The following GBP6 variants were observed in gnomAD, a reference collection of about 807,000 sequenced individuals.
The protein encoded by GBP6 is guanylate binding protein family member 6, also known as guanylate-binding protein 6.
Under a neutral mutation model 61.5 loss-of-function variants are expected in GBP6, and 54 were observed. The observed-to-expected ratio is 0.88, with a 90% CI of 0.71 to 1.10. The LOEUF (loss-of-function observed/expected upper bound fraction) is 1.10. GBP6 is among the 50% of genes least tolerant of loss of function. The pLI is 0.00. For missense variants in GBP6, 748 were observed against 752.8 expected (o/e 0.99, Z 0.07); for synonymous variants, 255 against 273.7 (o/e 0.93, Z 0.67).
In GBP6 at chr1:89,385,323, A is replaced by G; in HGVS notation, c.1756A>G (p.Lys586Glu). The G allele has an allele frequency of 6.2e-7, 1 of 1,614,178 alleles. No homozygotes were observed. The highest frequency in any genetic ancestry group is 8.5e-7 in the Non-Finnish European group (1 of 1,180,014). Reference sequence around the variant, plus strand: ...ATTTAAACGTATGATTGATACTACAAAAAATGATGATACTCCCTGGATTGC... The same window carrying G: ...ATTTAAACGTATGATTGATACTACAGAAAATGATGATACTCCCTGGATTGC... The part of the protein sequence containing the change: ...SQFKRMIDTT[K>E]NDDTPWIART... The change falls in exon 11 of 11, where the codon AAA (lysine) becomes GAA (glutamate). Residue 586 changes from lysine (K) to glutamate (E), a missense_variant. Transcript: ENST00000370456.
Position 89,378,437 on chromosome 1 carries a change from A to G in GBP6, c.449A>G (p.Glu150Gly), listed in dbSNP as rs139135600. 118 of 1,613,912 alleles carry G rather than the reference A, an allele frequency of 7.3e-5. 1 individual carries two copies. Among genetic ancestry groups the G allele is most frequent in the Non-Finnish European group, 9.7e-5 (114 of 1,179,962 alleles). The change falls in exon 5 of 11, where the codon GAA becomes GGA. Residue 150 changes from glutamate (E) to glycine (G), a missense_variant. Coordinates refer to ENST00000370456, the MANE Select transcript of GBP6 (RefSeq NM_198460.3). Reference sequence around the variant, plus strand: ...CCTAGTTATGTGACGGAGCTCACAGAACTAATTAAGGCAAAGTCCTCCCCA... The same window carrying G: ...CCTAGTTATGTGACGGAGCTCACAGGACTAATTAAGGCAAAGTCCTCCCCA... ...EQLHYVTELT[E>G]LIKAKSSPRP...
chr1:89,385,172 A>G (rs1210602909), intron 10 of GBP6, 58 bp from the exon 11 acceptor site: 1 of 1,454,724 alleles, frequency 6.9e-7, no homozygotes, highest in Non-Finnish European at 9.4e-7. Context: ...TACAAAATGT[A>G]AGTCTTAAAA....
intron 3 of GBP6, among the ~76,000 whole-genome samples, chr1:89,376,683 T>G (rs1652817475): frequency 6.6e-6 from 1 of 152,144 alleles, no homozygotes; most frequent in South Asian, 2.1e-4. Context: ...CAAGATTACT[T>G]TGATTATTCA....
intron 3 of GBP6, among the ~76,000 whole-genome samples, chr1:89,373,257 C>T (rs1172947809): frequency 1.3e-5 from 2 of 152,106 alleles, no homozygotes; most frequent in Non-Finnish European, 2.9e-5. Flanking sequence ...GACAGTGTGG[C>T]GATTCCTCAA....
In GBP6 at chr1:89,369,570, A is replaced by G. The variant is rs1385579014; in HGVS notation, c.215A>G (p.Gln72Arg). 1 of 1,613,972 alleles carries G rather than the reference A, an allele frequency of 6.2e-7. No homozygotes were observed. Among genetic ancestry groups the G allele is most frequent in the East Asian group, 2.2e-5 (1 of 44,890 alleles). The stretch of plus-strand genomic sequence containing the variant: ...GGCTTCCCTCTGGGCTCCACGGTGC[A>G]GTCTGAAACCAAGGGCATCTGGATG... ...NHGFPLGSTV[Q>R]SETKGIWMWC... is the part of the protein sequence containing the mutation. The change falls in exon 3 of 11, where the codon CAG (glutamine) becomes CGG (arginine). Residue 72 changes from glutamine (Q) to arginine (R), a missense_variant. Physicochemically the swap from Gln to Arg is conservative, Grantham distance 43. Transcript: ENST00000370456.
intron 3 of GBP6, among the ~76,000 whole-genome samples, chr1:89,375,718 C>T (rs140629868): frequency 1.9e-3 from 290 of 152,140 alleles, no homozygotes; most frequent in African/African-American, 5.8e-3. Context: ...ATTTTCACTC[C>T]GCTGATTGTT....
intron 9 of GBP6, 23 bp from the exon 10 acceptor site, chr1:89,384,070 T>TAGA: frequency 6.4e-7 from 1 of 1,569,202 alleles, no homozygotes; most frequent in Non-Finnish European, 8.6e-7. Flanking sequence ...TTTTCTTCTC[T>TAGA]TTCTAATACC....
chr1:89,377,444 C>A (rs1408462949), intron 3 of GBP6, among the ~76,000 whole-genome samples: 1 of 152,146 alleles, frequency 6.6e-6, no homozygotes, highest in Non-Finnish European at 1.5e-5. Flanking sequence ...CCTCATATCA[C>A]ATACACTCTT....
At chr1:89,368,493 C>T in intron 1 of GBP6, 36 bp from the exon 2 acceptor site, 1 of 1,491,314 alleles carries the variant, frequency 6.7e-7, no homozygotes, top group South Asian at 1.2e-5. Context: ...AACACTGAGA[C>T]AGAGAATGAC....
intron 7 of GBP6, among the ~76,000 whole-genome samples, 174 bp downstream of exon 7, chr1:89,382,148 G>A (rs991357735): frequency 2.0e-5 from 3 of 152,122 alleles, no homozygotes; most frequent in South Asian, 2.1e-4. Context: ...AAAATCTTCT[G>A]ATAACTGAGG....
chr1:89,374,108 C>T (rs1357381908), intron 3 of GBP6, among the ~76,000 whole-genome samples: 1 of 152,190 alleles, frequency 6.6e-6, no homozygotes, highest in East Asian at 1.9e-4. Flanking sequence ...GTTTGCTTCC[C>T]CTTCCACCAT....
intron 6 of GBP6, among the ~76,000 whole-genome samples, chr1:89,381,175 C>T (rs1379555317): frequency 6.8e-6 from 1 of 147,306 alleles, no homozygotes; most frequent in East Asian, 2.1e-4. Context: ...TTCCCAGCTA[C>T]TTAGGAGGCT....
rs1217333288 is a variant in GBP6 at position 89,378,091 on chromosome 1, T to A, written c.319-12T>A. 1 of 1,609,640 alleles carries A rather than the reference T, an allele frequency of 6.2e-7. No individual in the cohort carries two copies. The highest frequency in any genetic ancestry group is 1.1e-5 in the South Asian group (1 of 90,328). ...TACACTCCTAAGTCCTTTGCTCTAA[T>A]GTGCTTTTTAGGGTGACCCTAAGAA... On this transcript the variant is annotated splice_polypyrimidine_tract_variant and intron_variant, in intron 3 of 10. Transcript: ENST00000370456.
intron 3 of GBP6, among the ~76,000 whole-genome samples, chr1:89,375,461 G>T (rs1652777705): frequency 6.6e-6 from 1 of 152,156 alleles, no homozygotes; most frequent in Non-Finnish European, 1.5e-5. Flanking sequence ...ATTCCTCAGA[G>T]AGCTAAAGAC....
At chr1:89,369,955 G>A (rs1296625234) in intron 3 of GBP6, among the ~76,000 whole-genome samples, 1 of 152,204 alleles carries the variant, frequency 6.6e-6, no homozygotes, top group African/African-American at 2.4e-5. Context: ...AGACATTGGT[G>A]AACAAAGTAA....
Position 89,387,853 on chromosome 1 carries a change from A to T in GBP6, c.*2384A>T, listed in dbSNP as rs1412098604. 6.6e-6 allele frequency among the ~76,000 whole-genome samples: 1 copy of T among 152,242 alleles called. No homozygotes were observed. Among genetic ancestry groups the T allele is most frequent in the Non-Finnish European group, 1.5e-5 (1 of 68,046 alleles). On this transcript the variant is annotated 3_prime_UTR_variant, in exon 11 of 11. Transcript: ENST00000370456. ...GAGGATGAGGCAGGAAAATCACTTG[A>T]ACCTGGGAGGTGGAGGTTGCAGTGA...
chr1:89,382,936 C>T (rs935173941), intron 8 of GBP6, 60 bp downstream of exon 8: 3 of 1,104,424 alleles, frequency 2.7e-6, no homozygotes, highest in South Asian at 2.6e-5. Flanking sequence ...GTCTTCAGCA[C>T]CAGCCGTGGG....
At position 89,388,148 on chromosome 1, in the gene GBP6, A is replaced by G. The variant is rs899051154; in HGVS notation, c.*2679A>G. On this transcript the variant is annotated 3_prime_UTR_variant, in exon 11 of 11. Coordinates refer to ENST00000370456, the MANE Select transcript of GBP6 (RefSeq NM_198460.3). The stretch of plus-strand genomic sequence containing the variant: ...CATGTATCACAGTCTCTATAAAACT[A>G]TATCAAAGAAAGAATTTTTCTCTGT... Among the ~76,000 whole-genome samples, 2 of 152,164 alleles carry G rather than the reference A, an allele frequency of 1.3e-5. No homozygotes were observed. Among genetic ancestry groups the G allele is most frequent in the Admixed American group, 6.5e-5 (1 of 15,276 alleles).
intron 5 of GBP6, among the ~76,000 whole-genome samples, chr1:89,379,346 T>G (rs1652895804): frequency 6.6e-6 from 1 of 151,328 alleles, no homozygotes; most frequent in East Asian, 2.0e-4. Flanking sequence ...CCTCCAACAT[T>G]GGGGGGGGGG....
Sources: gnomAD v4.1 joint callset for allele counts (sites outside exome capture counted in the v4.1 genomes callset) on GRCh38, gnomAD v4.1.1 for gene constraint, MANE v1.5 for transcripts, NCBI Gene and HGNC (gene_info 2026-07-23, HGNC 2026-07-21) for gene names.